FAM193A: variants seen among roughly 807,000 people sequenced by gnomAD.
FAM193A encodes family with sequence similarity 193 member A.
FAM193A carries 22 observed loss-of-function variants against 126.5 expected under a neutral mutation model. That is an observed-to-expected ratio of 0.17 (90% CI 0.12 to 0.25). FAM193A has a LOEUF of 0.25. Ranked by LOEUF, FAM193A falls within the 10% of genes least tolerant of loss-of-function variation. The pLI is 1.00. For missense variants in FAM193A, 1,675 were observed against 1,672.8 expected (o/e 1.00, Z -0.02); for synonymous variants, 761 against 646.8 (o/e 1.18, Z -2.68).
At chr4:2,721,173 C>T (rs1390925370) in intron 20 of FAM193A, among the ~76,000 whole-genome samples, 3 of 151,610 alleles carry the variant, frequency 2.0e-5, no homozygotes, top group Non-Finnish European at 2.9e-5. Flanking sequence ...ATTAGCCAGG[C>T]GTGGTGGCGG....
intron 18 of FAM193A, among the ~76,000 whole-genome samples, chr4:2,698,745 G>C (rs1267366909): frequency 1.3e-5 from 2 of 152,168 alleles, no homozygotes; most frequent in Non-Finnish European, 2.9e-5. Context: ...TGAACACAAA[G>C]AACAGTTTCC....
intron 19 of FAM193A, among the ~76,000 whole-genome samples, chr4:2,713,160 A>G (rs1357414850): frequency 6.6e-6 from 1 of 150,962 alleles, no homozygotes. Flanking sequence ...TAATCTCAGC[A>G]CTTTGGGAGG....
In FAM193A at chr4:2,702,922, C is replaced by T. The variant is rs79674982; in HGVS notation, c.4372+2378C>T. ...TATTGATTGAAAACACACCTGATTGCGTTTTTCCATTTGTGTTCCATTTGT... is the reference window on the plus strand; with the variant it reads ...TATTGATTGAAAACACACCTGATTGTGTTTTTCCATTTGTGTTCCATTTGT... On this transcript the variant is annotated intron_variant, in intron 19 of 20. Coordinates refer to ENST00000637812, the MANE Select transcript of FAM193A (RefSeq NM_001366318.2). Among the ~76,000 whole-genome samples the T allele has an allele frequency of 7.2e-5, 11 of 152,226 alleles. No individual in the cohort carries two copies. In the East Asian group the frequency reaches 1.4e-3, roughly 19 times the overall value.
intron 13 of FAM193A, among the ~76,000 whole-genome samples, chr4:2,684,514 T>C (rs967610926): frequency 5.3e-5 from 8 of 152,184 alleles, no homozygotes; most frequent in African/African-American, 1.4e-4. Context: ...TCTGCTGATA[T>C]CACCTGTGAT....
At chr4:2,552,851 T>TC (rs1434826813) in intron 1 of FAM193A, among the ~76,000 whole-genome samples, 1 of 148,074 alleles carries the variant, frequency 6.8e-6, no homozygotes. Context: ...AACTTTCTTT[T>TC]TTTTTTTTTT....
chr4:2,562,028 A>G (rs1578600421), intron 1 of FAM193A, among the ~76,000 whole-genome samples: 1 of 152,214 alleles, frequency 6.6e-6, no homozygotes, highest in South Asian at 2.1e-4. Flanking sequence ...ATCTCAGGTC[A>G]TCTGTATGTG....
Position 2,600,814 on chromosome 4 carries a change from G to C in FAM193A, c.501+4485G>C, listed in dbSNP as rs374785817. Among the ~76,000 whole-genome samples, 4 of 152,140 alleles carry C rather than the reference G, an allele frequency of 2.6e-5. 1 individual carries two copies. The South Asian group carries it at 8.3e-4, about 32-fold the overall frequency. ...ATGACCCATGGAATGCAAATACTCTGGGGCTACCCATTCATGAATGACCCG... is the reference window on the plus strand; with the variant it reads ...ATGACCCATGGAATGCAAATACTCTCGGGCTACCCATTCATGAATGACCCG... On this transcript the variant is annotated intron_variant, in intron 2 of 20. Coordinates refer to ENST00000637812, the MANE Select transcript of FAM193A (RefSeq NM_001366318.2).
intron 6 of FAM193A, among the ~76,000 whole-genome samples, chr4:2,642,089 A>G (rs1020355752): frequency 2.7e-5 from 4 of 150,282 alleles, no homozygotes; most frequent in Non-Finnish European, 4.4e-5. Flanking sequence ...AGGAGATCGA[A>G]ACCATCCTGG....
chr4:2,617,430 T>C (rs1173830832), intron 2 of FAM193A, among the ~76,000 whole-genome samples: 1 of 149,244 alleles, frequency 6.7e-6, no homozygotes, highest in Non-Finnish European at 1.5e-5. Context: ...CGCACCTGGC[T>C]AATTTTTGTA....
rs557824698 is a variant in FAM193A, at chr4:2,715,911, T to C, written c.4373-112T>C. 1.5e-3 allele frequency: 1,124 copies of C among 746,942 alleles called. 4 individuals carry two copies. Among genetic ancestry groups the C allele is most frequent in the Non-Finnish European group, 2.3e-3 (951 of 416,306 alleles). The allele number at this position is 746,942 out of a possible 1,614,324, so 46.3% of individuals were successfully genotyped here. A position where few individuals can be genotyped will look rare whatever the true frequency, so the allele number is the denominator to read the frequency against. ...CTCTAAAATCTCATTTTAGAAAAAATGTTTACAATTTTTGAAGTTGTTTAA... is the reference window on the plus strand; with the variant it reads ...CTCTAAAATCTCATTTTAGAAAAAACGTTTACAATTTTTGAAGTTGTTTAA... On this transcript the variant is annotated intron_variant, in intron 19 of 20. Transcript: ENST00000637812.
chr4:2,632,908 C>G (rs1743736654), intron 5 of FAM193A, among the ~76,000 whole-genome samples: 1 of 152,192 alleles, frequency 6.6e-6, no homozygotes, highest in Non-Finnish European at 1.5e-5. Context: ...AGGATGCTCT[C>G]CAGCCCACCT....
At chr4:2,571,764 T>G (rs1739305787) in intron 1 of FAM193A, among the ~76,000 whole-genome samples, 1 of 151,554 alleles carries the variant, frequency 6.6e-6, no homozygotes, top group African/African-American at 2.4e-5. Context: ...GGTGTTGAAC[T>G]CCCGACCTCA....
chr4:2,583,602 C>T (rs551475044), intron 1 of FAM193A, among the ~76,000 whole-genome samples: 5 of 152,246 alleles, frequency 3.3e-5, no homozygotes, highest in South Asian at 2.1e-4. Flanking sequence ...ATGAGTGCCA[C>T]GGAGAAAGAG....
chr4:2,680,357 G>A (rs1254327821), intron 13 of FAM193A, among the ~76,000 whole-genome samples: 1 of 152,198 alleles, frequency 6.6e-6, no homozygotes, highest in East Asian at 1.9e-4. Flanking sequence ...ATCTCACTCT[G>A]TCACCCAGGC....
In FAM193A at chr4:2,607,950, T is replaced by C. The variant is rs1037780195; in HGVS notation, c.501+11621T>C. 2.7e-5 allele frequency: 40 copies of C among 1,461,566 alleles called. No homozygotes were observed. The Admixed American group carries it at 7.5e-4, about 27-fold the overall frequency. 90.5% of individuals were successfully genotyped at this position (1,461,566 alleles called of 1,614,324 possible). On this transcript the variant is annotated intron_variant, in intron 2 of 20. Transcript: ENST00000637812. ...GTCGCTTTATGAACACAGATTCTTTTCTTTTTTTAACCTTGAGATGCTACC... is the reference window on the plus strand; with the variant it reads ...GTCGCTTTATGAACACAGATTCTTTCCTTTTTTTAACCTTGAGATGCTACC...
At chr4:2,635,790 G>A (rs751485974) in intron 5 of FAM193A, among the ~76,000 whole-genome samples, 1 of 152,088 alleles carries the variant, frequency 6.6e-6, no homozygotes, top group South Asian at 2.1e-4. Flanking sequence ...TGCCCGCCTC[G>A]GCCTCCCAAA....
chr4:2,554,112 T>G (rs1477948724), intron 1 of FAM193A, among the ~76,000 whole-genome samples: 1 of 152,108 alleles, frequency 6.6e-6, no homozygotes, highest in Non-Finnish European at 1.5e-5. Flanking sequence ...TGAGACTAGG[T>G]CTTACTCTGT....
At chr4:2,602,058 C>T (rs565478860) in intron 2 of FAM193A, among the ~76,000 whole-genome samples, 69 of 152,026 alleles carry the variant, frequency 4.5e-4, no homozygotes, top group African/African-American at 1.5e-3. Flanking sequence ...AGGCTGGTTT[C>T]GAACTCCTGA....
In FAM193A at chr4:2,690,984, G is replaced by A; in HGVS notation, c.2803+14G>A. 2 of 1,604,270 alleles carry A rather than the reference G, an allele frequency of 1.2e-6. No individual in the cohort carries two copies. The highest frequency in any genetic ancestry group is 2.7e-5 in the African/African-American group (2 of 74,648). ...CTCCTTCAGTAGGTAAGGCTTGAAG[G>A]CTCACTGGCCCTCGGGGTCTGCAGG... is the stretch of plus-strand genomic sequence containing the variant. On this transcript the variant is annotated intron_variant, in intron 15 of 20. Transcript: ENST00000637812.
Sources: allele counts gnomAD v4.1 joint callset (sites outside exome capture counted in the v4.1 genomes callset), GRCh38; gene constraint gnomAD v4.1.1; transcripts MANE v1.5; gene names NCBI Gene and HGNC (gene_info 2026-07-23, HGNC 2026-07-21).